The following RBFOX1 variants were observed in gnomAD, a reference collection of about 807,000 sequenced individuals.
The protein encoded by RBFOX1 is RNA binding fox-1 homolog 1.
RBFOX1 carries 8 observed loss-of-function variants against 57.7 expected under a neutral mutation model. That is an observed-to-expected ratio of 0.14 (90% CI 0.08 to 0.25). RBFOX1 has a LOEUF of 0.25. Among genes scored for constraint, RBFOX1 ranks in the 10% least tolerant of loss-of-function variants. The pLI is 1.00. For synonymous variants in RBFOX1, 326 were observed against 222.4 expected, an observed-to-expected ratio of 1.47 and a Z score of -4.15; for missense variants, 611 against 548.5, an observed-to-expected ratio of 1.11 and a Z score of -1.14.
chr16:7,620,557 C>T (rs2059152309), intron 10 of RBFOX1, among the ~76,000 whole-genome samples: 2 of 152,208 alleles, frequency 1.3e-5, no homozygotes, highest in Admixed American at 6.5e-5. Context: ...ATTTAAAACC[C>T]TATCACAGAT....
At chr16:5,861,350 C>T (rs1405615600) in intron 3 of RBFOX1, among the ~76,000 whole-genome samples, 1 of 152,196 alleles carries the variant, frequency 6.6e-6, no homozygotes, top group Admixed American at 6.5e-5. Context: ...ATGATGCATG[C>T]TGCTTCTGGG....
At chr16:5,506,742 C>T (rs1003943342) in intron 2 of RBFOX1, among the ~76,000 whole-genome samples, 4 of 152,152 alleles carry the variant, frequency 2.6e-5, no homozygotes, top group African/African-American at 9.7e-5. Context: ...TCCAAGACCC[C>T]TTCTTTCTTG....
intron 2 of RBFOX1, among the ~76,000 whole-genome samples, chr16:6,609,581 G>C (rs1431212690): frequency 6.6e-6 from 1 of 151,912 alleles, no homozygotes; most frequent in African/African-American, 2.4e-5. Flanking sequence ...TAAAATCAAG[G>C]CATTTCCTTA....
chr16:5,320,320 G>A (rs1314053908), intron 1 of RBFOX1, among the ~76,000 whole-genome samples: 1 of 152,198 alleles, frequency 6.6e-6, no homozygotes, highest in Admixed American at 6.5e-5. Flanking sequence ...TCTAGACAAA[G>A]GTGCAGAGTT....
chr16:6,682,384 C>T (rs1034545379), intron 3 of RBFOX1, among the ~76,000 whole-genome samples: 2 of 151,874 alleles, frequency 1.3e-5, no homozygotes, highest in South Asian at 2.1e-4. Flanking sequence ...AAGCCGATTG[C>T]CCCTTCTTGG....
chr16:5,825,773 CTTAATAT>C, intron 3 of RBFOX1, among the ~76,000 whole-genome samples: 3 of 148,056 alleles, frequency 2.0e-5, no homozygotes, highest in Admixed American at 6.8e-5. Flanking sequence ...AATAATATTC[CTTAATAT>C]GAATAAGGAA....
chr16:7,379,782 C>T (rs1268132210), intron 4 of RBFOX1, among the ~76,000 whole-genome samples: 2 of 151,328 alleles, frequency 1.3e-5, no homozygotes, highest in African/African-American at 2.4e-5. Flanking sequence ...GCCTTCCGTC[C>T]TGCCTGCCTG....
intron 4 of RBFOX1, among the ~76,000 whole-genome samples, chr16:7,269,633 A>G (rs890281705): frequency 1.3e-5 from 2 of 152,200 alleles, no homozygotes; most frequent in African/African-American, 4.8e-5. Flanking sequence ...GTTCTGTTGT[A>G]CCAAAAGTTA....
intron 4 of RBFOX1, among the ~76,000 whole-genome samples, chr16:7,359,672 G>T (rs1198165242): frequency 6.6e-6 from 1 of 152,130 alleles, no homozygotes; most frequent in Non-Finnish European, 1.5e-5. Context: ...TGTCAAGGAT[G>T]TTTTGTTGAA....
At chr16:6,810,532 C>G (rs1048150893) in intron 3 of RBFOX1, among the ~76,000 whole-genome samples, 2 of 152,144 alleles carry the variant, frequency 1.3e-5, no homozygotes, top group African/African-American at 4.8e-5. Flanking sequence ...CTCCAAAAAC[C>G]TCTTTTTTTT....
intron 2 of RBFOX1, among the ~76,000 whole-genome samples, chr16:6,496,963 GA>G (rs564947137): frequency 6.6e-6 from 1 of 151,864 alleles, no homozygotes; most frequent in African/African-American, 2.4e-5. Flanking sequence ...TCCGTCTTCG[GA>G]AAAAAAGACA....
chr16:6,009,581 C>G (rs1596396035), intron 4 of RBFOX1, among the ~76,000 whole-genome samples: 1 of 152,064 alleles, frequency 6.6e-6, no homozygotes, highest in Non-Finnish European at 1.5e-5. Context: ...GACAGCCCTG[C>G]TAACAATTAC....
intron 3 of RBFOX1, among the ~76,000 whole-genome samples, chr16:5,786,362 A>G (rs1271441803): frequency 6.6e-6 from 1 of 151,918 alleles, no homozygotes; most frequent in South Asian, 2.1e-4. Context: ...GATAACGTCC[A>G]TTCCTCTGCT....
At chr16:7,551,559 G>A (rs949200569) in intron 5 of RBFOX1, among the ~76,000 whole-genome samples, 6 of 152,184 alleles carry the variant, frequency 3.9e-5, no homozygotes, top group Admixed American at 2.6e-4. Flanking sequence ...GTCAATAAGT[G>A]AGCAAATAAA....
intron 1 of RBFOX1, among the ~76,000 whole-genome samples, chr16:5,275,567 C>G (rs2063120396): frequency 1.3e-5 from 2 of 152,174 alleles, no homozygotes; most frequent in African/African-American, 2.4e-5. Context: ...ACATTCCATG[C>G]TCATGGATGG....
chr16:6,886,080 TG>T (rs1329135331), intron 3 of RBFOX1, among the ~76,000 whole-genome samples: 3 of 150,340 alleles, frequency 2.0e-5, no homozygotes, highest in Admixed American at 1.3e-4. Context: ...TTTTTTTTTT[TG>T]AGACGGAGTC....
chr16:5,812,991 G>A (rs1190581806), intron 3 of RBFOX1, among the ~76,000 whole-genome samples: 1 of 149,688 alleles, frequency 6.7e-6, no homozygotes, highest in African/African-American at 2.5e-5. Context: ...ATAACATAAA[G>A]TCTATCCCTT....
intron 3 of RBFOX1, among the ~76,000 whole-genome samples, chr16:6,989,315 T>C (rs1011797556): frequency 6.6e-6 from 1 of 152,218 alleles, no homozygotes; most frequent in Admixed American, 6.5e-5. Context: ...TATTTACAAT[T>C]ATATGTGCTT....
intron 4 of RBFOX1, among the ~76,000 whole-genome samples, chr16:7,389,994 C>T (rs1488211192): frequency 6.6e-6 from 1 of 152,080 alleles, no homozygotes; most frequent in Non-Finnish European, 1.5e-5. Flanking sequence ...GTTGTACAGG[C>T]TCTGCTTCTG....
Sources: gnomAD v4.1 joint callset for allele counts (sites outside exome capture counted in the v4.1 genomes callset) on GRCh38, gnomAD v4.1.1 for gene constraint, MANE v1.5 for transcripts, NCBI Gene and HGNC (gene_info 2026-07-23, HGNC 2026-07-21) for gene names.